The following CAMKMT variants were observed in gnomAD, a reference collection of about 807,000 sequenced individuals.
The protein encoded by CAMKMT is CaM KMT.
Under a neutral mutation model 48.0 loss-of-function variants are expected in CAMKMT, and 53 were observed. The ratio of observed to expected loss-of-function variants is 1.10; its 90% CI spans 0.89 to 1.39. CAMKMT has a LOEUF of 1.39. Among genes scored for constraint, CAMKMT ranks in the 40% most tolerant of loss-of-function variants. The probability of loss-of-function intolerance (pLI) is 0.00; values close to 1 mark genes in which losing one functional copy is unlikely to be tolerated. For missense variants in CAMKMT, 428 were observed against 402.7 expected (o/e 1.06, Z -0.54); for synonymous variants, 165 against 152.3 (o/e 1.08, Z -0.61).
intron 3 of CAMKMT, among the ~76,000 whole-genome samples, chr2:44,422,979 C>T (rs1067375): frequency 0.69 from 105,443 of 151,954 alleles, 37,185 homozygotes; most frequent in South Asian, 0.79. Context: ...ATTACACCTT[C>T]AGTCTCAGAT....
At chr2:44,568,249 T>G (rs1023691638) in intron 3 of CAMKMT, among the ~76,000 whole-genome samples, 1 of 152,168 alleles carries the variant, frequency 6.6e-6, no homozygotes, top group South Asian at 2.1e-4. Context: ...TTCCTCCAAA[T>G]GGGACCCTAC....
chr2:44,364,376 A>G (rs1264925332), intron 1 of CAMKMT, among the ~76,000 whole-genome samples: 1 of 152,084 alleles, frequency 6.6e-6, no homozygotes, highest in Admixed American at 6.6e-5. Context: ...CTCTTCTGTG[A>G]AGCCACCCCT....
intron 2 of CAMKMT, among the ~76,000 whole-genome samples, chr2:44,385,018 A>T (rs1198464423): frequency 6.6e-6 from 1 of 152,124 alleles, no homozygotes; most frequent in Non-Finnish European, 1.5e-5. Flanking sequence ...TCGGTGAAGA[A>T]TGATGGTGGT....
chr2:44,472,229 C>A (rs1027640358), intron 3 of CAMKMT, among the ~76,000 whole-genome samples: 2 of 152,118 alleles, frequency 1.3e-5, no homozygotes, highest in Admixed American at 1.3e-4. Context: ...CGCCACCACA[C>A]CTGGCTAATT....
At chr2:44,372,918 A>G (rs749461690) in intron 2 of CAMKMT, 30 bp downstream of exon 2, 41 of 1,554,336 alleles carry the variant, frequency 2.6e-5, no homozygotes, top group Non-Finnish European at 3.6e-5. Flanking sequence ...AGATTTTGTA[A>G]ACACTAGATT....
At chr2:44,707,571 C>T in intron 6 of CAMKMT, 109 bp downstream of exon 6, 1 of 804,902 alleles carries the variant, frequency 1.2e-6, no homozygotes, top group African/African-American at 1.8e-5. Flanking sequence ...GAGAGTTTCC[C>T]CCCTACATAC....
chr2:44,692,697 T>G (rs1341555154), intron 3 of CAMKMT, among the ~76,000 whole-genome samples: 1 of 152,120 alleles, frequency 6.6e-6, no homozygotes, highest in Non-Finnish European at 1.5e-5. Context: ...GCACTGTAAC[T>G]CAGGAAGATG....
At chr2:44,667,213 A>G (rs960163360) in intron 3 of CAMKMT, among the ~76,000 whole-genome samples, 1 of 152,180 alleles carries the variant, frequency 6.6e-6, no homozygotes, top group Non-Finnish European at 1.5e-5. Flanking sequence ...CTTAGCTTCT[A>G]GCTAAAGTCT....
At chr2:44,374,573 G>A (rs930119847) in intron 2 of CAMKMT, among the ~76,000 whole-genome samples, 6 of 152,182 alleles carry the variant, frequency 3.9e-5, no homozygotes, top group Admixed American at 2.0e-4. Context: ...GTTAGCCAGT[G>A]AGAATGTGAA....
chr2:44,697,991 T>C (rs1304088086), intron 3 of CAMKMT, among the ~76,000 whole-genome samples: 2 of 152,216 alleles, frequency 1.3e-5, no homozygotes, highest in Non-Finnish European at 2.9e-5. Context: ...GCCATTCTAA[T>C]AGATCCCAAT....
chr2:44,578,736 GTAT>G (rs1669378167), intron 3 of CAMKMT, among the ~76,000 whole-genome samples: 1 of 152,234 alleles, frequency 6.6e-6, no homozygotes, highest in African/African-American at 2.4e-5. Context: ...GTCATGGTCC[GTAT>G]TATTTTTAAG....
At chr2:44,570,216 G>T (rs1668834787) in intron 3 of CAMKMT, among the ~76,000 whole-genome samples, 1 of 152,078 alleles carries the variant, frequency 6.6e-6, no homozygotes, top group African/African-American at 2.4e-5. Flanking sequence ...CTTTGTATCA[G>T]ACCCATTGAG....
intron 2 of CAMKMT, among the ~76,000 whole-genome samples, chr2:44,385,530 G>C (rs1241713162): frequency 6.6e-6 from 1 of 152,138 alleles, no homozygotes; most frequent in Admixed American, 6.5e-5. Context: ...AGTGGTGAGA[G>C]TGGGCATCCT....
At chr2:44,592,991 A>C (rs190686686) in intron 3 of CAMKMT, among the ~76,000 whole-genome samples, 1 of 152,212 alleles carries the variant, frequency 6.6e-6, no homozygotes, top group African/African-American at 2.4e-5. Flanking sequence ...TGTTATATCA[A>C]TTATAACATG....
At chr2:44,522,713 A>G (rs116331636) in intron 3 of CAMKMT, among the ~76,000 whole-genome samples, 4,045 of 152,276 alleles carry the variant, frequency 0.027, 190 homozygotes, top group African/African-American at 0.093. Context: ...CTGTCTGAAG[A>G]GTCTGGGAAT....
chr2:44,486,187 G>A (rs544421360), intron 3 of CAMKMT, among the ~76,000 whole-genome samples: 1 of 152,142 alleles, frequency 6.6e-6, no homozygotes, highest in East Asian at 1.9e-4. Flanking sequence ...GGCTGGCCTT[G>A]AACTCCTGGC....
At chr2:44,574,253 G>T (rs896288396) in intron 3 of CAMKMT, among the ~76,000 whole-genome samples, 2 of 152,204 alleles carry the variant, frequency 1.3e-5, no homozygotes, top group Non-Finnish European at 2.9e-5. Flanking sequence ...AGGGAGCATG[G>T]CCCAGTGCCT....
intron 3 of CAMKMT, among the ~76,000 whole-genome samples, chr2:44,578,798 G>A (rs1669381210): frequency 6.6e-6 from 1 of 152,162 alleles, no homozygotes; most frequent in Non-Finnish European, 1.5e-5. Context: ...AAGGGAAAGT[G>A]AGAGTTAGAA....
chr2:44,423,278 C>G (rs938248892), intron 3 of CAMKMT, among the ~76,000 whole-genome samples: 1 of 152,102 alleles, frequency 6.6e-6, no homozygotes, highest in African/African-American at 2.4e-5. Context: ...CTCCTGGGTT[C>G]AAGTGATTCT....
Sources: allele counts gnomAD v4.1 joint callset (sites outside exome capture counted in the v4.1 genomes callset), GRCh38; gene constraint gnomAD v4.1.1; transcripts MANE v1.5; gene names NCBI Gene and HGNC (gene_info 2026-07-23, HGNC 2026-07-21).